The following SULF1 variants were observed in gnomAD, a reference collection of about 807,000 sequenced individuals.
SULF1 encodes the protein sulfatase 1.
Under a neutral mutation model 110.5 loss-of-function variants are expected in SULF1, and 46 were observed. That is an observed-to-expected ratio of 0.42 (90% confidence interval 0.33 to 0.53). The LOEUF (loss-of-function observed/expected upper bound fraction) is 0.53, where lower values mean the gene tolerates loss of function less well. SULF1 is among the 20% of genes least tolerant of loss of function. The pLI is 0.12. For synonymous variants in SULF1, 371 were observed against 387.1 expected, an observed-to-expected ratio of 0.96 and a Z score of 0.49; for missense variants, 941 against 1,094.2, an observed-to-expected ratio of 0.86 and a Z score of 1.98.
chr8:69,659,182 A>T lies in SULF1; in HGVS notation c.*647A>T. On this transcript the variant is annotated 3_prime_UTR_variant, in exon 23 of 23. Coordinates refer to ENST00000402687, the MANE Select transcript of SULF1 (RefSeq NM_001128205.2). ...TTCCGATGGAATTTCAGTTCATCAG[A>T]TGTTCACCATGGCCACCGCAGAACA... 1 of 456,792 alleles carries T rather than the reference A, an allele frequency of 2.2e-6. No homozygotes were observed. The allele number at this position is 456,792 out of a possible 1,614,324, so 28.3% of individuals were successfully genotyped here.
At chr8:69,530,180 T>C (rs555256994) in intron 3 of SULF1, among the ~76,000 whole-genome samples, 1 of 152,300 alleles carries the variant, frequency 6.6e-6, no homozygotes, top group South Asian at 2.1e-4. Flanking sequence ...ACTCCGGTCA[T>C]TCTATTGCCC....
At chr8:69,536,887 G>A (rs967961732) in intron 3 of SULF1, among the ~76,000 whole-genome samples, 3 of 152,152 alleles carry the variant, frequency 2.0e-5, no homozygotes, top group Admixed American at 6.5e-5. Flanking sequence ...TCCCAGGGAG[G>A]AAGGGTGGTG....
chr8:69,634,711 C>T (rs1810841065), intron 19 of SULF1, among the ~76,000 whole-genome samples: 5 of 151,922 alleles, frequency 3.3e-5, no homozygotes, highest in Admixed American at 3.3e-4. Flanking sequence ...CAGATCACAC[C>T]ACTGGGCGAC....
intron 5 of SULF1, among the ~76,000 whole-genome samples, chr8:69,575,421 C>T (rs1805533675): frequency 6.6e-6 from 1 of 152,128 alleles, no homozygotes; most frequent in African/African-American, 2.4e-5. Context: ...GGTGAGCTTG[C>T]TAGAGGATAC....
At chr8:69,644,803 T>G (rs1811764644) in intron 22 of SULF1, among the ~76,000 whole-genome samples, 1 of 150,890 alleles carries the variant, frequency 6.6e-6, no homozygotes, top group African/African-American at 2.4e-5. Flanking sequence ...CAAGTCCGTC[T>G]TCTAAACTGC....
chr8:69,502,411 G>A (rs1218346820), intron 3 of SULF1, among the ~76,000 whole-genome samples: 2 of 152,172 alleles, frequency 1.3e-5, no homozygotes, highest in African/African-American at 4.8e-5. Context: ...TCCTTGGCCA[G>A]ATAAACATTA....
chr8:69,467,172 C>T (rs1399889364), intron 1 of SULF1: 1 of 152,176 alleles, frequency 6.6e-6, no homozygotes, highest in Non-Finnish European at 1.5e-5. Flanking sequence ...TAAGAAAATA[C>T]CTTTGGGAGC....
chr8:69,635,224 A>G (rs946772282), intron 19 of SULF1, among the ~76,000 whole-genome samples: 3 of 152,268 alleles, frequency 2.0e-5, no homozygotes, highest in African/African-American at 4.8e-5. Context: ...ACAATGGCAG[A>G]TAAATGTCAT....
chr8:69,648,558 G>A (rs1812100740), intron 22 of SULF1, among the ~76,000 whole-genome samples: 1 of 152,188 alleles, frequency 6.6e-6, no homozygotes, highest in African/African-American at 2.4e-5. Context: ...GGCTAATGAG[G>A]CAGGGAAGTA....
intron 6 of SULF1, among the ~76,000 whole-genome samples, chr8:69,579,986 A>G (rs1805951139): frequency 6.6e-6 from 1 of 152,238 alleles, no homozygotes; most frequent in African/African-American, 2.4e-5. Flanking sequence ...TATGTAGAAT[A>G]ACTCAGAGAA....
chr8:69,525,659 C>T (rs545667292), intron 3 of SULF1, among the ~76,000 whole-genome samples: 67 of 152,290 alleles, frequency 4.4e-4, no homozygotes, highest in African/African-American at 1.6e-3. Flanking sequence ...GAGTGGATTT[C>T]GTGGACTTCA....
intron 13 of SULF1, among the ~76,000 whole-genome samples, chr8:69,605,699 A>G (rs1330747456): frequency 2.6e-5 from 4 of 152,224 alleles, no homozygotes; most frequent in Admixed American, 6.5e-5. Context: ...TGTCATGACA[A>G]GAGGAACTGA....
rs75855458 is a variant in SULF1, at chr8:69,527,385, T to C, written c.-134+25417T>C. Reference sequence around the variant, plus strand: ...CAAAAACCTGACAATAGCCATGTCATTGGGGGCAAGCGGAAAGACAAGGTA... The same window carrying C: ...CAAAAACCTGACAATAGCCATGTCACTGGGGGCAAGCGGAAAGACAAGGTA... On this transcript the variant is annotated intron_variant, in intron 3 of 22. Coordinates refer to ENST00000402687, the MANE Select transcript of SULF1 (RefSeq NM_001128205.2). 3.3e-3 allele frequency among the ~76,000 whole-genome samples: 504 copies of C among 151,926 alleles called. 3 individuals are homozygous for C. The highest frequency in any genetic ancestry group is 0.012 in the African/African-American group (477 of 41,446).
chr8:69,598,184 A>C (rs1184201657), intron 8 of SULF1, among the ~76,000 whole-genome samples: 2 of 151,814 alleles, frequency 1.3e-5, no homozygotes, highest in Admixed American at 6.6e-5. Flanking sequence ...GTTTATATTG[A>C]AAGTTTATCT....
At chr8:69,476,873 T>C (rs1429777136) in intron 1 of SULF1, among the ~76,000 whole-genome samples, 2 of 152,188 alleles carry the variant, frequency 1.3e-5, no homozygotes, top group African/African-American at 4.8e-5. Flanking sequence ...ACAAGTGCCA[T>C]AGTTAGATCA....
upstream of SULF1, among the ~76,000 whole-genome samples, chr8:69,492,420 C>A (rs1809987191): frequency 6.6e-6 from 1 of 152,110 alleles, no homozygotes. Flanking sequence ...AGAGAACCAG[C>A]AGAAGCACCT....
chr8:69,470,254 G>A (rs556714181), intron 1 of SULF1, among the ~76,000 whole-genome samples: 8 of 152,124 alleles, frequency 5.3e-5, no homozygotes, highest in South Asian at 2.1e-4. Context: ...ATAGATGGTC[G>A]CTTTTATCAT....
chr8:69,588,223 C>A (rs755896445), intron 7 of SULF1, among the ~76,000 whole-genome samples: 18 of 152,182 alleles, frequency 1.2e-4, no homozygotes, highest in African/African-American at 3.1e-4. Context: ...ATCAGCCCCC[C>A]CTGACTGTGG....
At chr8:69,539,173 G>A (rs2150664685) in intron 3 of SULF1, among the ~76,000 whole-genome samples, 1 of 152,314 alleles carries the variant, frequency 6.6e-6, no homozygotes, top group Admixed American at 6.5e-5. Context: ...CTGCCTCTGA[G>A]TGGAAATACC....
Sources: allele counts gnomAD v4.1 joint callset (sites outside exome capture counted in the v4.1 genomes callset), GRCh38; gene constraint gnomAD v4.1.1; transcripts MANE v1.5; gene names NCBI Gene and HGNC (gene_info 2026-07-23, HGNC 2026-07-21).